Variants in DNAH5 observed in about 807,000 individuals in gnomAD.
DNAH5 encodes dynein axonemal heavy chain 5, also known as axonemal beta dynein heavy chain 5.
Under a neutral mutation model 518.2 loss-of-function variants are expected in DNAH5, and 372 were observed. The ratio of observed to expected loss-of-function variants is 0.72; its 90% CI spans 0.66 to 0.78. The LOEUF is 0.78. DNAH5 is among the 30% of genes least tolerant of loss of function. The pLI is 0.00. For synonymous variants in DNAH5, 2,039 were observed against 2,025.9 expected (o/e 1.01, Z -0.17); for missense variants, 5,523 against 5,687.0 (o/e 0.97, Z 0.93).
At chr5:13,906,862 T>C (rs537079976) in intron 12 of DNAH5, among the ~76,000 whole-genome samples, 20 of 152,282 alleles carry the variant, frequency 1.3e-4, no homozygotes, top group African/African-American at 4.6e-4. Context: ...TTCATGCACC[T>C]ATTTTAAAGA....
intron 31 of DNAH5, among the ~76,000 whole-genome samples, chr5:13,848,505 C>T (rs1364955022): frequency 6.6e-6 from 1 of 152,120 alleles, no homozygotes; most frequent in South Asian, 2.1e-4. Context: ...TATTATTGTG[C>T]ACTTATATTT....
chr5:13,922,071 T>G, intron 5 of DNAH5, 36 bp downstream of exon 5: 1 of 1,601,474 alleles, frequency 6.2e-7, no homozygotes, highest in Non-Finnish European at 8.6e-7. Flanking sequence ...GTTGACCACC[T>G]GATCATTTTT....
rs1740732410 is a variant in DNAH5, at chr5:13,691,873, A to C, written c.*111T>G. On this transcript the variant is annotated 3_prime_UTR_variant, in exon 79 of 79. Coordinates refer to ENST00000265104, the MANE Select transcript of DNAH5 (RefSeq NM_001369.3). ...GTGGGGAAAACCTATGCAGCTCATT[A>C]ATTGCATAAACGACCTAACATACAC... 7.5e-7 allele frequency: 1 copy of C among 1,329,006 alleles called. No homozygotes were observed. The highest frequency in any genetic ancestry group is 1.2e-5 in the South Asian group (1 of 81,754). 82.3% of individuals were successfully genotyped at this position (1,329,006 alleles called of 1,614,324 possible).
chr5:13,715,403 C>T (rs112898543), intron 74 of DNAH5, among the ~76,000 whole-genome samples: 5,602 of 152,206 alleles, frequency 0.037, 354 homozygotes, highest in African/African-American at 0.13. Context: ...TATGTACAGG[C>T]ACCCCCAAAT....
intron 17 of DNAH5, among the ~76,000 whole-genome samples, chr5:13,887,972 T>C (rs138809457): frequency 6.6e-6 from 1 of 152,276 alleles, no homozygotes; most frequent in East Asian, 1.9e-4. Context: ...AATAGCTGTG[T>C]CTTCAAATCC....
intron 1 of DNAH5, among the ~76,000 whole-genome samples, chr5:13,939,388 C>T (rs1436078136): frequency 6.6e-6 from 1 of 152,096 alleles, no homozygotes; most frequent in African/African-American, 2.4e-5. Flanking sequence ...ATAGTAGCTC[C>T]CCCTCAATTT....
rs1014143705 is a variant in DNAH5 at position 13,690,919 on chromosome 5, T to C, written c.*1065A>G. The C allele has an allele frequency of 4.9e-4, 75 of 152,240 alleles. No individual in the cohort carries two copies. The highest frequency in any genetic ancestry group is 1.8e-3 in the African/African-American group (75 of 41,502). The allele number at this position is 152,240 out of a possible 1,614,324, so 9.4% of individuals were successfully genotyped here. A position where few individuals can be genotyped will look rare whatever the true frequency, so the allele number is the denominator to read the frequency against. ...TTCTTGCTATCACATCTGTTCTTAT[T>C]TTTCTATCTTGCCATCTAATCTTTG... On this transcript the variant is annotated 3_prime_UTR_variant, in exon 79 of 79. Transcript: ENST00000265104.
chr5:13,883,974 T>G (rs1456460220), intron 19 of DNAH5, among the ~76,000 whole-genome samples: 1 of 152,180 alleles, frequency 6.6e-6, no homozygotes, highest in Non-Finnish European at 1.5e-5. Flanking sequence ...TATTATCCTA[T>G]TATTTCAGTT....
At chr5:13,808,669 C>T (rs1373989170) in intron 46 of DNAH5, among the ~76,000 whole-genome samples, 3 of 152,148 alleles carry the variant, frequency 2.0e-5, no homozygotes. Flanking sequence ...ATGCAGGATG[C>T]TTCATGTTGG....
Position 13,737,428 on chromosome 5 carries a change from AG to A in DNAH5, c.11278del (p.Leu3760Ter), listed in dbSNP as rs780321832. On this transcript the variant is annotated frameshift_variant, in exon 66 of 79. Transcript: ENST00000265104. LOFTEE classifies it high-confidence loss of function. Reference protein sequence around the residue: ...VTANKRRMKELEDNLLYRLTS... With the variant: ...VTANKRRMKEXEDNLLYRLTS... ...CAGGCGGTAAAGCAAGTTATCTTCT[AG>A]TTCCTTCATCCTTCTTTTGTTTGCA... The A allele has an allele frequency of 3.1e-6, 5 of 1,614,048 alleles. No individual in the cohort carries two copies. The highest frequency in any genetic ancestry group is 4.2e-6 in the Non-Finnish European group (5 of 1,179,896).
chr5:13,934,407 C>T (rs528335014), intron 1 of DNAH5, among the ~76,000 whole-genome samples: 143 of 152,180 alleles, frequency 9.4e-4, no homozygotes, highest in African/African-American at 3.3e-3. Context: ...CTGCTTTAGG[C>T]CCTTAAGTTT....
At chr5:13,986,388 C>T (rs922644446) in intron 1 of DNAH5, among the ~76,000 whole-genome samples, 4 of 152,186 alleles carry the variant, frequency 2.6e-5, no homozygotes, top group Non-Finnish European at 5.9e-5. Context: ...TTTCACCCTA[C>T]AGGGTTGACT....
intron 31 of DNAH5, 127 bp from the exon 32 acceptor site, chr5:13,845,120 ACT>A: frequency 1.2e-6 from 1 of 846,762 alleles, no homozygotes; most frequent in Non-Finnish European, 1.9e-6. Context: ...TTCCTACGTG[ACT>A]TCTCACTGTT....
intron 61 of DNAH5, among the ~76,000 whole-genome samples, chr5:13,756,036 C>T (rs1419851786): frequency 1.3e-5 from 2 of 152,294 alleles, no homozygotes; most frequent in Non-Finnish European, 2.9e-5. Context: ...TACTGGGTTC[C>T]CTGAGTAGTA....
intron 35 of DNAH5, among the ~76,000 whole-genome samples, chr5:13,833,026 C>T (rs1763875688): frequency 6.6e-6 from 1 of 151,168 alleles, no homozygotes; most frequent in Non-Finnish European, 1.5e-5. Flanking sequence ...CGTGCATCAG[C>T]AGAGTACATT....
rs772595583 is a variant in DNAH5 at position 13,829,526 on chromosome 5, T to A, written c.6428A>T (p.Glu2143Val). ...KFFTLYKLCE[E>V]QLSKQVHYDF... ...ATGACACACCTGCTTAGAAAGCTGCTCCTCACACAGTTTGTAGAGCGTGAA... is the reference window on the plus strand; with the variant it reads ...ATGACACACCTGCTTAGAAAGCTGCACCTCACACAGTTTGTAGAGCGTGAA... Residue 2143 changes from glutamate to valine, a missense_variant, in exon 38 of 79, where the codon GAG becomes GTG. By Grantham distance (121) the Glu-to-Val change is moderately radical (BLOSUM62 -2). Around this residue, in one of 3 missense-constraint regions of DNAH5, gnomAD observed 5,121 missense variants for 5,223.3 expected, o/e 0.98. Transcript: ENST00000265104. 2 of 1,614,158 alleles carry A rather than the reference T, an allele frequency of 1.2e-6. No individual in the cohort carries two copies. Among genetic ancestry groups the A allele is most frequent in the East Asian group, 4.5e-5 (2 of 44,874 alleles).
At chr5:13,849,654 C>A (rs1224752429) in intron 31 of DNAH5, among the ~76,000 whole-genome samples, 1 of 152,162 alleles carries the variant, frequency 6.6e-6, no homozygotes, top group East Asian at 1.9e-4. Flanking sequence ...AGCTTATTAG[C>A]CCTTTTTGTC....
rs769384277 is a variant in DNAH5, at chr5:13,944,533, A to G, written c.-95T>C. 1.9e-6 allele frequency: 2 copies of G among 1,040,064 alleles called. No individual in the cohort carries two copies. The highest frequency in any genetic ancestry group is 3.0e-6 in the Non-Finnish European group (2 of 677,548). The allele number at this position is 1,040,064 out of a possible 1,614,324, so 64.4% of individuals were successfully genotyped here. ...CAACATCCAACAGGCTTCCAAATGG[A>G]AAGTTTTACTTCCATTTTACTTTCA... On this transcript the variant is annotated 5_prime_UTR_variant, in exon 1 of 79. Transcript: ENST00000265104.
chr5:13,829,907 G>T, intron 37 of DNAH5, 119 bp downstream of exon 37: 1 of 461,388 alleles, frequency 2.2e-6, no homozygotes, highest in Non-Finnish European at 3.1e-6. Flanking sequence ...GTTTTCAAAA[G>T]GAGGTAAAGT....
Sources: allele counts gnomAD v4.1 joint callset (sites outside exome capture counted in the v4.1 genomes callset), GRCh38; gene constraint gnomAD v4.1.1; regional missense constraint gnomAD v4.1.1; transcripts MANE v1.5; gene names NCBI Gene and HGNC (gene_info 2026-07-23, HGNC 2026-07-21).